The following POLR1F variants were observed in gnomAD, a reference collection of about 807,000 sequenced individuals.
POLR1F encodes DNA-directed RNA polymerase I subunit RPA43.
In POLR1F, 23 loss-of-function variants were observed where a neutral mutation model predicts 21.8. The ratio of observed to expected loss-of-function variants is 1.05; its 90% confidence interval spans 0.76 to 1.49. POLR1F has a LOEUF of 1.49. Ranked by LOEUF, POLR1F falls within the 40% of genes most tolerant of loss-of-function variation. The pLI is 0.00. For missense variants in POLR1F, 435 were observed against 412.1 expected (o/e 1.06, Z -0.48); for synonymous variants, 162 against 152.8 (o/e 1.06, Z -0.45).
Position 19,697,868 on chromosome 7 carries a change from T to G in POLR1F, c.*448A>C, listed in dbSNP as rs944050924. The G allele has an allele frequency of 2.0e-5, 3 of 152,458 alleles. No individual in the cohort carries two copies. The highest frequency in any genetic ancestry group is 7.2e-5 in the African/African-American group (3 of 41,412). The allele number at this position is 152,458 out of a possible 1,614,324, so 9.4% of individuals were successfully genotyped here. On this transcript the variant is annotated 3_prime_UTR_variant, in exon 4 of 4. Transcript: ENST00000222567. The stretch of plus-strand genomic sequence containing the variant: ...AGCCATGATAAAGGAAAACCTAAAA[T>G]TAGTTAATGTCCTGAGTTTTTAAAA...
At chr7:19,698,789 G>C (rs1207679713) in intron 3 of POLR1F, 62 bp from the exon 4 acceptor site, 1 of 1,351,730 alleles carries the variant, frequency 7.4e-7, no homozygotes, top group Non-Finnish European at 9.9e-7. Flanking sequence ...AACAAATTGA[G>C]ATCAAGATAT....
chr7:19,698,281 C>G lies in POLR1F; in HGVS notation c.*35G>C. ...ATTTATTCATCTATTGTATGTAGAT[C>G]GATCTTTTAAAAACTGAATCGTGTT... On this transcript the variant is annotated 3_prime_UTR_variant, in exon 4 of 4. Transcript: ENST00000222567. 2 of 1,517,082 alleles carry G rather than the reference C, an allele frequency of 1.3e-6. No individual in the cohort carries two copies. Among genetic ancestry groups the G allele is most frequent in the Non-Finnish European group, 1.8e-6 (2 of 1,137,614 alleles). The allele number at this position is 1,517,082 out of a possible 1,614,324, so 94.0% of individuals were successfully genotyped here. A position where few individuals can be genotyped will look rare whatever the true frequency, so the allele number is the denominator to read the frequency against.
rs767017557 is a variant in POLR1F, at chr7:19,704,939, G to A, written c.255-19C>T. On this transcript the variant is annotated intron_variant, in intron 1 of 3. Coordinates refer to ENST00000222567, the MANE Select transcript of POLR1F (RefSeq NM_001002926.2). ...TAAAAGGCTGTAAAAAGAAAAAGTT[G>A]AAAATGATACCTTTTATCGTCTTTT... 6.5e-7 allele frequency: 1 copy of A among 1,548,206 alleles called. No individual in the cohort carries two copies. The highest frequency in any genetic ancestry group is 1.3e-5 in the South Asian group (1 of 79,282).
intron 1 of POLR1F, 66 bp from the exon 2 acceptor site, chr7:19,704,986 CAG>C (rs1406344965): frequency 1.3e-6 from 2 of 1,496,110 alleles, no homozygotes; most frequent in Non-Finnish European, 1.8e-6. Context: ...TTTTTGGAGA[CAG>C]GGTCTTGCTC....
chr7:19,706,559 C>T (rs554774116), intron 1 of POLR1F, among the ~76,000 whole-genome samples: 1 of 152,240 alleles, frequency 6.6e-6, no homozygotes, highest in Admixed American at 6.5e-5. Context: ...CAGTCTGATA[C>T]AATGAGGAAA....
chr7:19,699,187 T>C (rs1265495874), intron 3 of POLR1F, among the ~76,000 whole-genome samples: 1 of 152,198 alleles, frequency 6.6e-6, no homozygotes, highest in African/African-American at 2.4e-5. Context: ...TATTTTAATC[T>C]TGTTTCAAAT....
intron 1 of POLR1F, among the ~76,000 whole-genome samples, chr7:19,707,258 G>A (rs886544544): frequency 6.6e-6 from 1 of 152,168 alleles, no homozygotes; most frequent in Non-Finnish European, 1.5e-5. Flanking sequence ...GGACTGCAGA[G>A]AAGTACTAGT....
rs1181856129 is a variant in POLR1F, at chr7:19,696,176, T to C, written c.*2140A>G. Reference sequence around the variant, plus strand: ...TTTGAAGAATACATAGTGGACACCATCATCAGTCTTTCTGTGTCAGAAAGA... The same window carrying C: ...TTTGAAGAATACATAGTGGACACCACCATCAGTCTTTCTGTGTCAGAAAGA... On this transcript the variant is annotated 3_prime_UTR_variant, in exon 4 of 4. Coordinates refer to ENST00000222567, the MANE Select transcript of POLR1F (RefSeq NM_001002926.2). 1 of 151,644 alleles carries C rather than the reference T, an allele frequency of 6.6e-6. No homozygotes were observed. The allele number at this position is 151,644 out of a possible 1,614,324, so 9.4% of individuals were successfully genotyped here.
chr7:19,704,706 A>G, intron 2 of POLR1F, 73 bp downstream of exon 2: 1 of 1,348,350 alleles, frequency 7.4e-7, no homozygotes. Context: ...GGTATATATT[A>G]TCTCTTAAAA....
rs1308720431 is a variant in POLR1F, at chr7:19,696,053, G to C, written c.*2263C>G. ...TGAAATGGGTGAATGATAGGAACTG[G>C]AGAGAGGGTAAGGGATCTAGTCTAG... On this transcript the variant is annotated 3_prime_UTR_variant, in exon 4 of 4. Coordinates refer to ENST00000222567, the MANE Select transcript of POLR1F (RefSeq NM_001002926.2). The C allele has an allele frequency of 1.3e-5, 2 of 152,160 alleles. No individual in the cohort carries two copies. The highest frequency in any genetic ancestry group is 2.9e-5 in the Non-Finnish European group (2 of 67,994). The allele number at this position is 152,160 out of a possible 1,614,324, so 9.4% of individuals were successfully genotyped here.
chr7:19,706,800 G>C (rs891504769), intron 1 of POLR1F, among the ~76,000 whole-genome samples: 2 of 152,160 alleles, frequency 1.3e-5, no homozygotes, highest in South Asian at 2.1e-4. Context: ...CTTCACTTTT[G>C]TTTTTCAGAT....
intron 2 of POLR1F, among the ~76,000 whole-genome samples, chr7:19,702,771 T>A (rs1783461721): frequency 6.6e-6 from 1 of 152,152 alleles, no homozygotes; most frequent in Non-Finnish European, 1.5e-5. Flanking sequence ...CCCTTCTTAC[T>A]GAAATATATG....
chr7:19,707,931 T>C (rs1034129685), intron 1 of POLR1F, among the ~76,000 whole-genome samples: 23 of 152,162 alleles, frequency 1.5e-4, no homozygotes, highest in African/African-American at 5.3e-4. Context: ...GAACTTCACA[T>C]AGGAATTCCT....
intron 1 of POLR1F, 66 bp from the exon 2 acceptor site, chr7:19,704,986 C>T (rs1434186369): frequency 6.7e-7 from 1 of 1,496,228 alleles, no homozygotes; most frequent in Non-Finnish European, 8.9e-7. Context: ...TTTTTGGAGA[C>T]AGGGTCTTGC....
Position 19,700,130 on chromosome 7 carries a change from G to C in POLR1F, c.547C>G (p.Arg183Gly). ...MGDELEFEVF[R>G]LDSDAAGVFC... ...ACTCCAGCAGCATCTGAGTCTAAAC[G>C]AAATACTTCAAATTCTAGTTCATCA... The change falls in exon 3 of 4, where the codon CGT becomes GGT. Residue 183 changes from arginine (R) to glycine (G), a missense_variant. Arg to Gly is a moderately radical substitution (Grantham distance 125). Transcript: ENST00000222567. 1.2e-6 allele frequency: 2 copies of C among 1,613,834 alleles called. No individual in the cohort carries two copies. The highest frequency in any genetic ancestry group is 1.7e-6 in the Non-Finnish European group (2 of 1,179,830).
chr7:19,699,796 A>T (rs1583400900), intron 3 of POLR1F, among the ~76,000 whole-genome samples: 1 of 152,312 alleles, frequency 6.6e-6, no homozygotes, highest in Non-Finnish European at 1.5e-5. Context: ...AAAGTTAACA[A>T]CAAAATAGAA....
intron 2 of POLR1F, among the ~76,000 whole-genome samples, chr7:19,701,829 G>A (rs890575958): frequency 6.6e-6 from 1 of 152,024 alleles, no homozygotes; most frequent in African/African-American, 2.4e-5. Context: ...CCAAAAGTGT[G>A]TGGACTCAGA....
At chr7:19,705,638 A>G (rs1783510444) in intron 1 of POLR1F, among the ~76,000 whole-genome samples, 1 of 152,262 alleles carries the variant, frequency 6.6e-6, no homozygotes. Context: ...ATGTTAATAC[A>G]ACTACATTAT....
chr7:19,702,037 C>G (rs960653945), intron 2 of POLR1F, among the ~76,000 whole-genome samples: 1 of 152,064 alleles, frequency 6.6e-6, no homozygotes, highest in African/African-American at 2.4e-5. Flanking sequence ...GCAGCTAATG[C>G]CCTCTTGTGA....
Sources: gnomAD v4.1 joint callset for allele counts (sites outside exome capture counted in the v4.1 genomes callset) on GRCh38, gnomAD v4.1.1 for gene constraint, MANE v1.5 for transcripts, NCBI Gene and HGNC (gene_info 2026-07-23, HGNC 2026-07-21) for gene names.